Variants in RNF17 observed in about 807,000 individuals in gnomAD.
The protein encoded by RNF17 is ring finger protein 17, also known as spermatogenesis associated 23.
Under a neutral mutation model 200.5 loss-of-function variants are expected in RNF17, and 31 were observed. The ratio of observed to expected loss-of-function variants is 0.15; its 90% CI spans 0.12 to 0.21. RNF17 has a LOEUF of 0.21. RNF17 is among the 10% of genes least tolerant of loss of function. The probability of loss-of-function intolerance (pLI) is 1.00; values close to 1 mark genes in which losing one functional copy is unlikely to be tolerated. For missense variants in RNF17, 1,628 were observed against 1,905.1 expected (o/e 0.85, Z 2.71); for synonymous variants, 606 against 637.8 (o/e 0.95, Z 0.75).
intron 31 of RNF17, among the ~76,000 whole-genome samples, chr13:24,869,833 A>G (rs531201251): frequency 1.3e-5 from 2 of 152,094 alleles, no homozygotes; most frequent in East Asian, 1.9e-4. Context: ...AGTGACATAA[A>G]CATAGCTCAC....
chr13:24,853,783 T>C, intron 24 of RNF17, 72 bp from the exon 25 acceptor site: 1 of 1,155,012 alleles, frequency 8.7e-7, no homozygotes, highest in Non-Finnish European at 1.2e-6. Flanking sequence ...TCTGAATGAT[T>C]CTTTTTATGT....
At chr13:24,879,439 T>G in intron 35 of RNF17, 144 bp downstream of exon 35, 1 of 616,846 alleles carries the variant, frequency 1.6e-6, no homozygotes, top group Non-Finnish European at 2.9e-6. Flanking sequence ...TAGGCCCTTC[T>G]CACCTATTCA....
At chr13:24,874,774 A>G (rs1268649483) in intron 33 of RNF17, among the ~76,000 whole-genome samples, 1 of 152,170 alleles carries the variant, frequency 6.6e-6, no homozygotes. Flanking sequence ...AGGTTATACA[A>G]CTATCACCAC....
At chr13:24,819,464 A>G (rs765493685) in intron 15 of RNF17, among the ~76,000 whole-genome samples, 4 of 152,192 alleles carry the variant, frequency 2.6e-5, no homozygotes, top group Non-Finnish European at 4.4e-5. Flanking sequence ...TGTAATGAAC[A>G]TGGAAATGCA....
chr13:24,871,669 G>T (rs1173331536), intron 32 of RNF17, among the ~76,000 whole-genome samples: 2 of 137,430 alleles, frequency 1.5e-5, no homozygotes, highest in Admixed American at 8.0e-5. Flanking sequence ...GTCTTGCTCT[G>T]TTGCCCAGGC....
chr13:24,761,113 T>C (rs148354578), upstream of RNF17, among the ~76,000 whole-genome samples: 1 of 152,240 alleles, frequency 6.6e-6, no homozygotes, highest in Non-Finnish European at 1.5e-5. Flanking sequence ...GTTAACTTAG[T>C]TAAATGTTGA....
chr13:24,885,669 G>A, the RNF17 span: 2 of 1,609,526 alleles, frequency 1.2e-6, no homozygotes, highest in Non-Finnish European at 1.7e-6. Context: ...GAGGTGGATT[G>A]CCTATTAGAA....
downstream of RNF17, among the ~76,000 whole-genome samples, chr13:24,881,799 T>G (rs1363461255): frequency 7.1e-6 from 1 of 140,834 alleles, no homozygotes; most frequent in African/African-American, 2.6e-5. Context: ...CCCGTCTCTA[T>G]ATATCTAGAT....
chr13:24,802,857 G>A (rs2186217), intron 14 of RNF17, among the ~76,000 whole-genome samples: 21,662 of 152,128 alleles, frequency 0.14, 2,040 homozygotes, highest in Admixed American at 0.26. Context: ...TTGAGACCAG[G>A]CTGGGCAACA....
intron 1 of RNF17, among the ~76,000 whole-genome samples, chr13:24,764,891 GTGTGT>G (rs1566106113): frequency 1.2e-3 from 78 of 64,744 alleles, no homozygotes; most frequent in Non-Finnish European, 9.5e-4. Flanking sequence ...CTTGTGGGGT[GTGTGT>G]GTGTGTGTGT....
intron 6 of RNF17, among the ~76,000 whole-genome samples, chr13:24,787,779 A>G (rs1208391913): frequency 1.3e-5 from 2 of 152,134 alleles, no homozygotes; most frequent in Non-Finnish European, 2.9e-5. Flanking sequence ...TTTCAGTTCA[A>G]TTTAATGCCT....
At chr13:24,879,369 C>T in intron 35 of RNF17, 74 bp downstream of exon 35, 2 of 976,912 alleles carry the variant, frequency 2.0e-6, no homozygotes, top group Non-Finnish European at 3.2e-6. Flanking sequence ...CAGAAAAGCA[C>T]CCGTGGATTT....
intron 18 of RNF17, among the ~76,000 whole-genome samples, chr13:24,834,469 C>T (rs1007103824): frequency 2.6e-5 from 4 of 152,018 alleles, no homozygotes; most frequent in Admixed American, 6.6e-5. Flanking sequence ...CTGCAGGAAG[C>T]GGACTGCTCC....
chr13:24,830,798 T>G (rs551588618), intron 17 of RNF17, among the ~76,000 whole-genome samples, 199 bp downstream of exon 17: 2 of 152,330 alleles, frequency 1.3e-5, no homozygotes, highest in East Asian at 3.9e-4. Flanking sequence ...TAAACATTAA[T>G]CAGGTATAGT....
Position 24,788,143 on chromosome 13 carries a change from A to G in RNF17, c.767A>G (p.Tyr256Cys). 6.3e-7 allele frequency: 1 copy of G among 1,584,140 alleles called. No individual in the cohort carries two copies. Among genetic ancestry groups the G allele is most frequent in the Non-Finnish European group, 8.5e-7 (1 of 1,171,778 alleles). Residue 256 changes from tyrosine (Y) to cysteine (C), a missense_variant, in exon 7 of 36, where the codon TAC (tyrosine) becomes TGC (cysteine). By Grantham distance (194) the Tyr-to-Cys change is radical. Coordinates refer to ENST00000255324, the MANE Select transcript of RNF17 (RefSeq NM_031277.3). ...ALQLSPSLRT[Y>C]CDLNQIIRTL... ...CAATTATCGCCTTCTCTAAGAACAT[A>G]CTGTGACCTGAATCAGGTAATTTAA...
chr13:24,832,021 AAAT>A lies in RNF17; in HGVS notation c.2482+51_2482+53del, dbSNP rs776474531. ...TTGTTATGTAATCACATATAATTTT[AAAT>A]AATAATATGAATAACATTTGTCAAA... On this transcript the variant is annotated intron_variant, in intron 18 of 35. Transcript: ENST00000255324. The A allele has an allele frequency of 5.4e-6, 7 of 1,285,986 alleles. No individual in the cohort carries two copies. In the African/African-American group the frequency reaches 6.1e-5, roughly 11 times the overall value. The allele number at this position is 1,285,986 out of a possible 1,614,324, so 79.7% of individuals were successfully genotyped here.
intron 14 of RNF17, 63 bp from the exon 15 acceptor site, chr13:24,804,225 T>A (rs1885583972): frequency 1.3e-6 from 2 of 1,494,998 alleles, no homozygotes. Context: ...ATAGCACCAC[T>A]GCACTCCAGC....
At chr13:24,773,659 T>C (rs919847555) in intron 2 of RNF17, among the ~76,000 whole-genome samples, 7 of 152,136 alleles carry the variant, frequency 4.6e-5, no homozygotes, top group Admixed American at 4.6e-4. Flanking sequence ...CCTACACCCT[T>C]GCCACAAACC....
chr13:24,883,052 A>ACTT (rs1721768275), downstream of RNF17: 3 of 855,554 alleles, frequency 3.5e-6, no homozygotes, highest in Middle Eastern at 3.1e-4. Context: ...CACAGGGTAA[A>ACTT]CTTTTATTTT....
Sources: gnomAD v4.1 joint callset for allele counts (sites outside exome capture counted in the v4.1 genomes callset) on GRCh38, gnomAD v4.1.1 for gene constraint, MANE v1.5 for transcripts, NCBI Gene and HGNC (gene_info 2026-07-23, HGNC 2026-07-21) for gene names.